AGBL4: variants seen among roughly 807,000 people sequenced by gnomAD.
AGBL4 encodes AGBL carboxypeptidase 4.
A neutral mutation model predicts 66.4 loss-of-function variants in AGBL4; 58 were observed. The observed-to-expected ratio is 0.87, with a 90% CI of 0.71 to 1.09. AGBL4 has a LOEUF of 1.09. AGBL4 is among the 50% of genes least tolerant of loss of function. The pLI is 0.00. For synonymous variants in AGBL4, 234 were observed against 222.9 expected (o/e 1.05, Z -0.44); for missense variants, 579 against 631.0 (o/e 0.92, Z 0.88).
Position 48,930,058 on chromosome 1 carries a change from ATC to A in AGBL4, c.595-62830_595-62829del, listed in dbSNP as rs560940286. Among the ~76,000 whole-genome samples the A allele has an allele frequency of 1.7e-3, 260 of 152,152 alleles. 1 individual carries two copies. Among genetic ancestry groups the A allele is most frequent in the African/African-American group, 5.9e-3 (244 of 41,520 alleles). On this transcript the variant is annotated intron_variant, in intron 5 of 13. Coordinates refer to ENST00000371839, the MANE Select transcript of AGBL4 (RefSeq NM_032785.4). ...CTAGCCCTCGTTTTTCTAGGCCTAG[ATC>A]TCTGTCTGGTCTTTCTGGAGTGTCC...
chr1:49,824,168 A>G (rs756723147), intron 2 of AGBL4, among the ~76,000 whole-genome samples: 6 of 152,160 alleles, frequency 3.9e-5, no homozygotes, highest in Non-Finnish European at 8.8e-5. Flanking sequence ...GAGATCGCGC[A>G]TTGCACTCCA....
At chr1:48,637,697 G>C (rs952069828) in intron 8 of AGBL4, among the ~76,000 whole-genome samples, 6 of 152,190 alleles carry the variant, frequency 3.9e-5, no homozygotes, top group African/African-American at 1.4e-4. Context: ...TAATTGCTCT[G>C]GTTTTCAAGT....
At chr1:49,898,235 G>A (rs1437693536) in intron 1 of AGBL4, among the ~76,000 whole-genome samples, 2 of 152,060 alleles carry the variant, frequency 1.3e-5, no homozygotes, top group African/African-American at 2.4e-5. Context: ...TTAATAATCA[G>A]AATGTAGAAA....
intron 3 of AGBL4, among the ~76,000 whole-genome samples, chr1:49,603,575 CAAATAAAT>C (rs1333971969): frequency 7.2e-6 from 1 of 139,792 alleles, no homozygotes; most frequent in Non-Finnish European, 1.6e-5. Flanking sequence ...AATAAATAAA[CAAATAAAT>C]AGAAAGGGAA....
chr1:48,793,677 AG>A (rs2148733151), intron 6 of AGBL4, among the ~76,000 whole-genome samples: 1 of 152,326 alleles, frequency 6.6e-6, no homozygotes, highest in South Asian at 2.1e-4. Flanking sequence ...CAAAAAAGTT[AG>A]GTACCTTACA....
intron 3 of AGBL4, among the ~76,000 whole-genome samples, chr1:49,252,413 A>G (rs1297718632): frequency 1.3e-5 from 2 of 152,196 alleles, no homozygotes; most frequent in Non-Finnish European, 2.9e-5. Context: ...GATTACGTAA[A>G]GACATCAAAT....
intron 3 of AGBL4, among the ~76,000 whole-genome samples, chr1:49,520,768 G>GCTCC (rs1052884463): frequency 6.6e-5 from 10 of 150,892 alleles, no homozygotes; most frequent in African/African-American, 2.4e-4. Context: ...CCACCTCTTA[G>GCTCC]CTTTCAATGT....
chr1:49,865,644 G>T (rs935829389), intron 1 of AGBL4, among the ~76,000 whole-genome samples: 14 of 152,150 alleles, frequency 9.2e-5, no homozygotes, highest in African/African-American at 3.4e-4. Flanking sequence ...TCAGGAAGAT[G>T]AGAAAGAATC....
downstream of AGBL4, among the ~76,000 whole-genome samples, chr1:48,531,451 A>C (rs1643906149): frequency 6.6e-6 from 1 of 151,966 alleles, no homozygotes; most frequent in South Asian, 2.1e-4. Context: ...AGTCCCCTCT[A>C]TTTCCTCCCA....
chr1:49,447,979 T>A (rs568033382), intron 3 of AGBL4, among the ~76,000 whole-genome samples: 7 of 152,234 alleles, frequency 4.6e-5, no homozygotes, highest in Non-Finnish European at 8.8e-5. Flanking sequence ...CTCCTGAGTG[T>A]CATTCCACCA....
intron 3 of AGBL4, among the ~76,000 whole-genome samples, chr1:49,554,999 A>G (rs1280940427): frequency 6.6e-6 from 1 of 152,200 alleles, no homozygotes; most frequent in Non-Finnish European, 1.5e-5. Context: ...AGCAGCAGAA[A>G]GATTTACTGT....
chr1:49,368,824 C>T (rs1254947665), intron 3 of AGBL4, among the ~76,000 whole-genome samples: 1 of 152,138 alleles, frequency 6.6e-6, no homozygotes, highest in Non-Finnish European at 1.5e-5. Flanking sequence ...CCTGTAATCC[C>T]AGCACTTTAG....
intron 3 of AGBL4, among the ~76,000 whole-genome samples, chr1:49,401,212 G>C (rs986126647): frequency 3.3e-5 from 5 of 152,180 alleles, no homozygotes; most frequent in African/African-American, 4.8e-5. Flanking sequence ...CAGCAGGAGA[G>C]AGAATGAGTG....
chr1:49,657,083 G>A (rs997423624), intron 3 of AGBL4, among the ~76,000 whole-genome samples: 4 of 152,186 alleles, frequency 2.6e-5, no homozygotes, highest in Admixed American at 2.6e-4. Flanking sequence ...CTTTGCAGAT[G>A]ACATGATTGT....
At chr1:48,819,576 T>C (rs544406860) in intron 6 of AGBL4, among the ~76,000 whole-genome samples, 2 of 152,082 alleles carry the variant, frequency 1.3e-5, no homozygotes, top group Non-Finnish European at 2.9e-5. Flanking sequence ...AGAGGCCAAT[T>C]TGGGGACTAC....
chr1:49,565,664 G>A (rs1045503326), intron 3 of AGBL4, among the ~76,000 whole-genome samples: 100 of 152,118 alleles, frequency 6.6e-4, no homozygotes, highest in Non-Finnish European at 1.2e-3. Context: ...AGTTTCTGCC[G>A]AGAGATCCGC....
chr1:48,846,163 C>T, intron 6 of AGBL4, among the ~76,000 whole-genome samples: 1 of 152,078 alleles, frequency 6.6e-6, no homozygotes. Flanking sequence ...ATCATTTAGA[C>T]TAAATTTCTT....
At chr1:49,140,848 G>A (rs932681195) in intron 4 of AGBL4, among the ~76,000 whole-genome samples, 4 of 152,156 alleles carry the variant, frequency 2.6e-5, no homozygotes, top group Non-Finnish European at 5.9e-5. Flanking sequence ...TTGGAGCCAT[G>A]TGACTGGCAC....
chr1:48,965,597 CT>C (rs1417195051), intron 5 of AGBL4, among the ~76,000 whole-genome samples: 1 of 152,136 alleles, frequency 6.6e-6, no homozygotes, highest in Non-Finnish European at 1.5e-5. Flanking sequence ...ACTTTTGCTC[CT>C]GGTCTTCGTT....
Sources: allele counts gnomAD v4.1 joint callset (sites outside exome capture counted in the v4.1 genomes callset), GRCh38; gene constraint gnomAD v4.1.1; transcripts MANE v1.5; gene names NCBI Gene and HGNC (gene_info 2026-07-23, HGNC 2026-07-21).